The following RUNX1 variants were observed in gnomAD, a reference collection of about 807,000 sequenced individuals.
RUNX1 encodes the protein RUNX family transcription factor 1, also known as runt-related transcription factor 1.
In RUNX1, 19 loss-of-function variants were observed where a neutral mutation model predicts 42.8. That is an observed-to-expected ratio of 0.44 (90% CI 0.31 to 0.65). RUNX1 has a LOEUF of 0.65. RUNX1 is among the 30% of genes least tolerant of loss of function. RUNX1 has a pLI of 0.07. For missense variants in RUNX1, 528 were observed against 672.0 expected (o/e 0.79, Z 2.37); for synonymous variants, 271 against 289.4 (o/e 0.94, Z 0.64).
intron 2 of RUNX1, among the ~76,000 whole-genome samples, chr21:35,033,989 C>G (rs190763168): frequency 1.5e-3 from 228 of 152,270 alleles, no homozygotes; most frequent in African/African-American, 5.2e-3. Context: ...TAACTAGACA[C>G]GAAGATAACT....
intron 5 of RUNX1, among the ~76,000 whole-genome samples, chr21:34,878,469 A>AT (rs1601512009): frequency 1.3e-5 from 2 of 151,762 alleles, no homozygotes; most frequent in South Asian, 4.2e-4. Context: ...GGGTTTCCGT[A>AT]TTTTTTATTG....
chr21:34,845,394 A>G (rs2057300959), intron 6 of RUNX1, among the ~76,000 whole-genome samples: 1 of 152,190 alleles, frequency 6.6e-6, no homozygotes, highest in Admixed American at 6.5e-5. Context: ...CCCCCTCCTC[A>G]ATCCTTTCCC....
At chr21:34,990,456 T>C (rs999991132) in intron 2 of RUNX1, among the ~76,000 whole-genome samples, 7 of 152,006 alleles carry the variant, frequency 4.6e-5, no homozygotes, top group Admixed American at 6.6e-5. Context: ...ATCTTTGCCA[T>C]AGTGGGGAAA....
chr21:34,937,924 G>A (rs577462276), intron 2 of RUNX1, among the ~76,000 whole-genome samples: 1 of 152,224 alleles, frequency 6.6e-6, no homozygotes, highest in Admixed American at 6.5e-5. Context: ...AGAAGAAATT[G>A]GAAGTTAAAT....
At chr21:34,955,710 G>C (rs867685691) in intron 2 of RUNX1, among the ~76,000 whole-genome samples, 2 of 152,326 alleles carry the variant, frequency 1.3e-5, no homozygotes, top group South Asian at 2.1e-4. Flanking sequence ...TGATGGAAAT[G>C]CGTTAATGAG....
intron 5 of RUNX1, among the ~76,000 whole-genome samples, chr21:34,865,213 A>G (rs2057639778): frequency 6.6e-6 from 1 of 152,106 alleles, no homozygotes; most frequent in Admixed American, 6.5e-5. Context: ...GAGCTGTGAC[A>G]GATCCCGTAA....
At chr21:34,802,763 G>A (rs1297780090) in intron 7 of RUNX1, among the ~76,000 whole-genome samples, 2 of 152,130 alleles carry the variant, frequency 1.3e-5, no homozygotes, top group East Asian at 3.9e-4. Context: ...GGAGACTAGG[G>A]AAAGCACCGA....
At chr21:34,826,036 T>C (rs1319638814) in intron 7 of RUNX1, among the ~76,000 whole-genome samples, 1 of 152,186 alleles carries the variant, frequency 6.6e-6, no homozygotes, top group East Asian at 1.9e-4. Context: ...TAAGAGAGAA[T>C]ACATTTCTGT....
chr21:34,919,517 C>T (rs1277621688), intron 2 of RUNX1, among the ~76,000 whole-genome samples: 9 of 152,208 alleles, frequency 5.9e-5, no homozygotes, highest in Admixed American at 5.9e-4. Context: ...GCACCATTGG[C>T]CTGCCTTTTG....
intron 7 of RUNX1, among the ~76,000 whole-genome samples, chr21:34,829,563 C>A: frequency 6.6e-6 from 1 of 152,138 alleles, no homozygotes; most frequent in East Asian, 1.9e-4. Flanking sequence ...CCTACTACAC[C>A]TTGTTAAAAG....
chr21:34,882,366 C>G (rs1299611444), intron 4 of RUNX1, among the ~76,000 whole-genome samples: 10 of 152,126 alleles, frequency 6.6e-5, no homozygotes, highest in Admixed American at 5.9e-4. Flanking sequence ...ACTTCCAACC[C>G]CAAGACTACA....
At chr21:34,974,753 A>G (rs554424935) in intron 2 of RUNX1, among the ~76,000 whole-genome samples, 32 of 152,342 alleles carry the variant, frequency 2.1e-4, no homozygotes, top group African/African-American at 7.2e-4. Context: ...GATTAACACT[A>G]TACAAAAATA....
At chr21:35,032,510 T>C (rs1482754709) in intron 2 of RUNX1, among the ~76,000 whole-genome samples, 1 of 152,240 alleles carries the variant, frequency 6.6e-6, no homozygotes, top group Admixed American at 6.5e-5. Context: ...GACCAGACTT[T>C]ATGATCAGTC....
rs184355868 is a variant in RUNX1, at chr21:34,966,618, C to T, written c.59-73655G>A. ...TCATGGACATTCAGAGAAGGCTTCACCCCACCAATCAATGACAACTTACTT... is the reference window on the plus strand; with the variant it reads ...TCATGGACATTCAGAGAAGGCTTCATCCCACCAATCAATGACAACTTACTT... On this transcript the variant is annotated intron_variant, in intron 2 of 8. Transcript: ENST00000675419. Among the ~76,000 whole-genome samples the T allele has an allele frequency of 6.6e-5, 10 of 152,282 alleles. No individual in the cohort carries two copies. The East Asian group carries it at 1.4e-3, about 21-fold the overall frequency.
At chr21:34,983,688 A>T (rs2058863813) in intron 2 of RUNX1, among the ~76,000 whole-genome samples, 1 of 152,170 alleles carries the variant, frequency 6.6e-6, no homozygotes, top group South Asian at 2.1e-4. Flanking sequence ...TGTGGAGGAG[A>T]CCATTGCAAT....
intron 5 of RUNX1, among the ~76,000 whole-genome samples, chr21:34,862,403 G>A (rs2057590038): frequency 6.6e-6 from 1 of 152,142 alleles, no homozygotes; most frequent in South Asian, 2.1e-4. Context: ...TACTGTATTT[G>A]TTTCCTGGGG....
At chr21:35,038,938 C>T (rs1837247219) in intron 2 of RUNX1, 1 of 345,894 alleles carries the variant, frequency 2.9e-6, no homozygotes, top group Non-Finnish European at 5.8e-6. Flanking sequence ...GTAACATTGC[C>T]TAAGGAGCCA....
At chr21:34,930,293 A>AT (rs1569110404) in intron 2 of RUNX1, among the ~76,000 whole-genome samples, 22 of 125,514 alleles carry the variant, frequency 1.8e-4, no homozygotes, top group East Asian at 6.4e-4. Flanking sequence ...TATATATATA[A>AT]ATAAATAAAT....
chr21:34,910,541 A>T (rs144841826), intron 2 of RUNX1, among the ~76,000 whole-genome samples: 251 of 152,268 alleles, frequency 1.6e-3, no homozygotes, highest in African/African-American at 5.1e-3. Context: ...AGCCCTGGAC[A>T]TGAGGGTGAG....
Sources: gnomAD v4.1 joint callset for allele counts (sites outside exome capture counted in the v4.1 genomes callset) on GRCh38, gnomAD v4.1.1 for gene constraint, MANE v1.5 for transcripts, NCBI Gene and HGNC (gene_info 2026-07-23, HGNC 2026-07-21) for gene names.